MRPL10: variants seen among roughly 807,000 people sequenced by gnomAD.
MRPL10 encodes the protein mitochondrial ribosomal protein L10.
Under a neutral mutation model 19.8 loss-of-function variants are expected in MRPL10, and 14 were observed. That is an observed-to-expected ratio of 0.71 (90% CI 0.47 to 1.11). MRPL10 has a LOEUF of 1.11. Ranked by LOEUF, MRPL10 falls within the 50% of genes least tolerant of loss-of-function variation. The pLI, the probability that MRPL10 is intolerant of heterozygous loss-of-function variation, is 0.00. For synonymous variants in MRPL10, 129 were observed against 139.2 expected (o/e 0.93, Z 0.52); for missense variants, 318 against 339.6 (o/e 0.94, Z 0.50).
Position 47,824,285 on chromosome 17 carries a change from A to G in MRPL10, c.706T>C (p.Tyr236His). The change falls in exon 5 of 5, where the codon TAC becomes CAC. Residue 236 changes from tyrosine to histidine, a missense_variant. Coordinates refer to ENST00000351111, the MANE Select transcript of MRPL10 (RefSeq NM_145255.4). Reference protein sequence around the residue: ...PLQLTTLLDQYIREQREKDSV... With the variant: ...PLQLTTLLDQHIREQREKDSV... ...TCCTTCTCGCGTTGCTCTCTGATGTACTGGTCCAACAGGGTGGTCAGCTGG... is the reference window on the plus strand; with the variant it reads ...TCCTTCTCGCGTTGCTCTCTGATGTGCTGGTCCAACAGGGTGGTCAGCTGG... The G allele has an allele frequency of 2.5e-6, 4 of 1,614,126 alleles. No homozygotes were observed. Among genetic ancestry groups the G allele is most frequent in the Non-Finnish European group, 3.4e-6 (4 of 1,180,024 alleles).
chr17:47,827,154 C>T lies in MRPL10; in HGVS notation c.273G>A (p.Gln91=). Residue 91 remains glutamine, a synonymous_variant, in exon 3 of 5, where the codon CAG becomes CAA. Transcript: ENST00000351111. ...GGCAGACGGCTATCATTCGGTTGTC[C>T]TGGAAAACTGCTGCTATCTCCCGGC... is the stretch of plus-strand genomic sequence containing the variant. ...LLRREIAAVF[Q]DNRMIAVCQN... is the part of the protein sequence containing the mutation. 6.2e-7 allele frequency: 1 copy of T among 1,614,066 alleles called. No homozygotes were observed. Among genetic ancestry groups the T allele is most frequent in the Middle Eastern group, 1.7e-4 (1 of 6,060 alleles).
At chr17:47,826,075 A>G (rs1483942576) in intron 4 of MRPL10, among the ~76,000 whole-genome samples, 1 of 147,006 alleles carries the variant, frequency 6.8e-6, no homozygotes, top group Non-Finnish European at 1.5e-5. Context: ...TGAACCCAGG[A>G]GACAGAGGTT....
intron 1 of MRPL10, chr17:47,829,628 C>T (rs1361202898): frequency 2.0e-5 from 3 of 152,242 alleles, no homozygotes; most frequent in African/African-American, 7.2e-5. Context: ...GTGGCTCACG[C>T]CTGTAATCCC....
intron 4 of MRPL10, among the ~76,000 whole-genome samples, chr17:47,824,939 G>A (rs1423166641): frequency 4.6e-5 from 7 of 150,978 alleles, no homozygotes; most frequent in African/African-American, 7.3e-5. Context: ...GTTTGAACCC[G>A]GGAGGTAGAG....
At chr17:47,826,524 T>C (rs1460608027) in intron 4 of MRPL10, 113 bp downstream of exon 4, 2 of 1,335,838 alleles carry the variant, frequency 1.5e-6, no homozygotes, top group Non-Finnish European at 2.1e-6. Flanking sequence ...TCAGGCTCCA[T>C]CCGTGAAAGG....
chr17:47,829,989 C>G (rs1478435986), intron 1 of MRPL10, among the ~76,000 whole-genome samples: 1 of 152,086 alleles, frequency 6.6e-6, no homozygotes, highest in African/African-American at 2.4e-5. Flanking sequence ...TGGAGCCTAG[C>G]AAATAGTGTT....
In MRPL10 at chr17:47,824,214, CG is replaced by C. The variant is rs745378692; in HGVS notation, c.776del (p.Pro259ArgfsTer8). On this transcript the variant is annotated frameshift_variant, in exon 5 of 5. Coordinates refer to ENST00000351111, the MANE Select transcript of MRPL10 (RefSeq NM_145255.4). LOFTEE classifies it high-confidence loss of function. ...ANGKPDPDTV[P>X]DS The stretch of plus-strand genomic sequence containing the variant: ...TGGCTAAACAGGCTGGCTACGAGTC[CG>C]GAACAGTGTCAGGATCTGGCTTCCC... The C allele has an allele frequency of 1.9e-6, 3 of 1,614,166 alleles. No individual in the cohort carries two copies. In the South Asian group the frequency reaches 3.3e-5, roughly 18 times the overall value.
rs192082097 is a variant in MRPL10, at chr17:47,829,132, T to C, written c.53-462A>G. 2.9e-3 allele frequency: 444 copies of C among 154,818 alleles called. 1 individual carries two copies. Among genetic ancestry groups the C allele is most frequent in the Middle Eastern group, 6.2e-3 (2 of 322 alleles). The allele number at this position is 154,818 out of a possible 1,614,324, so 9.6% of individuals were successfully genotyped here. A position where few individuals can be genotyped will look rare whatever the true frequency, so the allele number is the denominator to read the frequency against. On this transcript the variant is annotated intron_variant, in intron 1 of 4. Coordinates refer to ENST00000351111, the MANE Select transcript of MRPL10 (RefSeq NM_145255.4). ...TACAAAAATTAGCCAGGTGTGGTGG[T>C]GTATACCTGTAATCCCAGCTACTTG...
At position 47,827,177 on chromosome 17, in the gene MRPL10, G is replaced by A. The variant is rs564978696; in HGVS notation, c.250C>T (p.Arg84Trp). ...TCCTGGAAAACTGCTGCTATCTCCC[G>A]GCGGAGAAGCCTGATGAGGCCTATC... is the stretch of plus-strand genomic sequence containing the variant. Reference protein sequence around the residue: ...EEIGLIRLLRREIAAVFQDNR... With the variant: ...EEIGLIRLLRWEIAAVFQDNR... The change falls in exon 3 of 5, where the codon CGG becomes TGG. Residue 84 changes from arginine (R) to tryptophan (W), a missense_variant. Physicochemically the swap from Arg to Trp is moderately radical, Grantham distance 101. Transcript: ENST00000351111. 77 of 1,612,798 alleles carry A rather than the reference G, an allele frequency of 4.8e-5. No homozygotes were observed. The East Asian group carries it at 9.4e-4, about 20-fold the overall frequency.
rs2033630073 is a variant in MRPL10 at position 47,831,475 on chromosome 17, G to C, written c.37C>G (p.Leu13Val). Residue 13 changes from leucine to valine, a missense_variant, in exon 1 of 5, where the codon CTC (leucine) becomes GTC (valine). Leu to Val is a conservative substitution (Grantham distance 32). Transcript: ENST00000351111. Reference sequence around the variant, plus strand: ...CACTCCTTACCCGCCTGGGGCAGGAGACCCCCTCGCAGCATCCCCGCCACG... The same window carrying C: ...CACTCCTTACCCGCCTGGGGCAGGACACCCCCTCGCAGCATCCCCGCCACG... ...AAVAGMLRGG[L>V]LPQAGRLPTL... 1 of 1,548,726 alleles carries C rather than the reference G, an allele frequency of 6.5e-7. No homozygotes were observed. The highest frequency in any genetic ancestry group is 8.7e-7 in the Non-Finnish European group (1 of 1,146,738).
chr17:47,826,656 C>T lies in MRPL10; in HGVS notation c.513G>A (p.Val171=). ...VKEMVRILRT[V]PFLPLLGGCI... The stretch of plus-strand genomic sequence containing the variant: ...GCTCACCTAGCAGCGGCAGGAATGG[C>T]ACAGTCCTTAAGATCCGTACCATCT... The change falls in exon 4 of 5, where the codon GTG becomes GTA. Residue 171 remains valine (V), a synonymous_variant. Coordinates refer to ENST00000351111, the MANE Select transcript of MRPL10 (RefSeq NM_145255.4). 1 of 1,613,774 alleles carries T rather than the reference C, an allele frequency of 6.2e-7. No homozygotes were observed. The highest frequency in any genetic ancestry group is 8.5e-7 in the Non-Finnish European group (1 of 1,180,038).
Position 47,824,121 on chromosome 17 carries a change from C to A in MRPL10, c.*84G>T. ...AAGTGACAAACACACTCCCCGACCC[C>A]AAGTTCTTCCACATGTCCCATTGAG... On this transcript the variant is annotated 3_prime_UTR_variant, in exon 5 of 5. Transcript: ENST00000351111. The A allele has an allele frequency of 6.3e-7, 1 of 1,584,302 alleles. No homozygotes were observed. Among genetic ancestry groups the A allele is most frequent in the Non-Finnish European group, 8.6e-7 (1 of 1,159,590 alleles).
chr17:47,825,836 G>C (rs199941972), intron 4 of MRPL10, among the ~76,000 whole-genome samples: 5 of 152,064 alleles, frequency 3.3e-5, no homozygotes, highest in Admixed American at 2.6e-4. Context: ...GGAGTGTTGA[G>C]GGGGTATTAA....
chr17:47,830,004 G>GTTTGT (rs1567951539), intron 1 of MRPL10, among the ~76,000 whole-genome samples: 2 of 152,192 alleles, frequency 1.3e-5, no homozygotes, highest in Middle Eastern at 3.4e-3. Context: ...AGTGTTTTTT[G>GTTTGT]TTTGTTTTGT....
At position 47,831,369 on chromosome 17, in the gene MRPL10, A is replaced by T. The variant is rs1198092465; in HGVS notation, c.52+91T>A. On this transcript the variant is annotated intron_variant, in intron 1 of 4. Coordinates refer to ENST00000351111, the MANE Select transcript of MRPL10 (RefSeq NM_145255.4). ...AGGCCAGCGATCTAGCTGGGGTCAG[A>T]GATTATGGGAAGAATCAGTAGTAGA... 1.9e-6 allele frequency: 3 copies of T among 1,542,414 alleles called. No homozygotes were observed. In the South Asian group the frequency reaches 3.6e-5, roughly 18 times the overall value.
chr17:47,824,582 G>A, intron 4 of MRPL10, 124 bp from the exon 5 acceptor site: 4 of 1,186,632 alleles, frequency 3.4e-6, no homozygotes, highest in Non-Finnish European at 4.6e-6. Flanking sequence ...CCAGGACCTG[G>A]GTTCCACTGT....
intron 4 of MRPL10, among the ~76,000 whole-genome samples, chr17:47,825,541 A>C (rs2033518735): frequency 6.6e-6 from 1 of 151,480 alleles, no homozygotes; most frequent in South Asian, 2.1e-4. Context: ...GGGAGGATGG[A>C]TTAAGCCAAG....
chr17:47,829,662 G>A (rs1158564220), intron 1 of MRPL10: 1 of 152,198 alleles, frequency 6.6e-6, no homozygotes, highest in African/African-American at 2.4e-5. Flanking sequence ...GCCAAGGTGG[G>A]CAGCTCACTT....
Position 47,824,193 on chromosome 17 carries a change from TA to T in MRPL10, c.*11del. On this transcript the variant is annotated 3_prime_UTR_variant, in exon 5 of 5. Coordinates refer to ENST00000351111, the MANE Select transcript of MRPL10 (RefSeq NM_145255.4). Reference sequence around the variant, plus strand: ...GAGTGTATTTATGCGCAGGGCTGGCTAAACAGGCTGGCTACGAGTCCGGAAC... The same window carrying T: ...GAGTGTATTTATGCGCAGGGCTGGCTAACAGGCTGGCTACGAGTCCGGAAC... 1.9e-6 allele frequency: 3 copies of T among 1,614,150 alleles called. No homozygotes were observed. The South Asian group carries it at 3.3e-5, about 18-fold the overall frequency.
Sources: allele counts gnomAD v4.1 joint callset (sites outside exome capture counted in the v4.1 genomes callset), GRCh38; gene constraint gnomAD v4.1.1; transcripts MANE v1.5; gene names NCBI Gene and HGNC (gene_info 2026-07-23, HGNC 2026-07-21).